The following SYMPK variants were observed in gnomAD, a reference collection of about 807,000 sequenced individuals.
SYMPK encodes symplekin scaffold protein.
SYMPK carries 49 observed loss-of-function variants against 136.4 expected under a neutral mutation model. The ratio of observed to expected loss-of-function variants is 0.36; its 90% CI spans 0.29 to 0.46. The LOEUF is 0.46. Ranked by LOEUF, SYMPK falls within the 20% of genes least tolerant of loss-of-function variation. SYMPK has a pLI of 1.00. For missense variants in SYMPK, 1,365 were observed against 1,690.0 expected (o/e 0.81, Z 3.37); for synonymous variants, 766 against 713.0 (o/e 1.07, Z -1.19).
intron 9 of SYMPK, among the ~76,000 whole-genome samples, chr19:45,841,854 C>G (rs1463237535): frequency 6.6e-6 from 1 of 152,022 alleles, no homozygotes; most frequent in Non-Finnish European, 1.5e-5. Context: ...GTGGTTACTT[C>G]TTGGGAGAGG....
chr19:45,822,621 A>T (rs1487910158), intron 21 of SYMPK, 135 bp downstream of exon 21: 3 of 679,202 alleles, frequency 4.4e-6, no homozygotes, highest in African/African-American at 3.6e-5. Context: ...GGACACATGG[A>T]GATGTCCAGT....
At chr19:45,852,181 G>A (rs2146341540) in intron 5 of SYMPK, 131 bp downstream of exon 5, 1 of 892,384 alleles carries the variant, frequency 1.1e-6, no homozygotes, top group South Asian at 1.4e-5. Context: ...TGGGGAATCA[G>A]TGTGTATGAG....
intron 12 of SYMPK, chr19:45,831,169 A>AT (rs10714046): frequency 0.032 from 10,813 of 342,164 alleles, 169 homozygotes; most frequent in South Asian, 0.075. Context: ...ATAAAAAAGG[A>AT]TTTTTTTTTT....
At chr19:45,831,708 A>C in intron 11 of SYMPK, 120 bp from the exon 12 acceptor site, 1 of 705,668 alleles carries the variant, frequency 1.4e-6, no homozygotes, top group Non-Finnish European at 2.2e-6. Context: ...GTTTAAATCC[A>C]CACAACACTG....
rs956621790 is a variant in SYMPK, at chr19:45,816,178, A to G, written c.3360T>C (p.Asp1120=). The G allele has an allele frequency of 5.9e-6, 9 of 1,534,780 alleles. No homozygotes were observed. Among genetic ancestry groups the G allele is most frequent in the Middle Eastern group, 2.3e-4 (1 of 4,420 alleles). Residue 1120 remains aspartate (D), a synonymous_variant, in exon 26 of 27, where the codon GAT becomes GAC. Transcript: ENST00000245934. ...CCGGGGCCAAGGTCAGGGGCTCCAGATCATCCTGGGGATAGGGAGGGCCAC... is the reference window on the plus strand; with the variant it reads ...CCGGGGCCAAGGTCAGGGGCTCCAGGTCATCCTGGGGATAGGGAGGGCCAC... ...EAPAGPLEED[D]LEPLTLAPAP...
intron 5 of SYMPK, among the ~76,000 whole-genome samples, chr19:45,850,353 C>A (rs962822816): frequency 2.0e-5 from 3 of 152,192 alleles, no homozygotes; most frequent in African/African-American, 7.2e-5. Flanking sequence ...GTTAAAGGGT[C>A]AAACAACTGA....
chr19:45,852,112 G>A (rs999234598), intron 5 of SYMPK, among the ~76,000 whole-genome samples, 200 bp downstream of exon 5: 1 of 152,210 alleles, frequency 6.6e-6, no homozygotes, highest in Non-Finnish European at 1.5e-5. Context: ...GATGTGAAGT[G>A]TGGAAGAAGC....
intron 22 of SYMPK, chr19:45,820,031 T>C (rs1483485949): frequency 6.6e-6 from 1 of 152,472 alleles, no homozygotes; most frequent in Non-Finnish European, 1.5e-5. Flanking sequence ...TGGTGGCCTG[T>C]GTGGCCTCTG....
intron 8 of SYMPK, chr19:45,842,896 G>A (rs774985596): frequency 5.1e-6 from 1 of 194,744 alleles, no homozygotes; most frequent in Non-Finnish European, 1.1e-5. Flanking sequence ...ACCCTGATAA[G>A]TGAGCCTCCC....
chr19:45,838,763 T>G, intron 9 of SYMPK, 148 bp from the exon 10 acceptor site: 1 of 890,468 alleles, frequency 1.1e-6, no homozygotes, highest in Non-Finnish European at 1.7e-6. Context: ...CAGCTCTGCC[T>G]CTGGTGCCAA....
At chr19:45,828,867 T>G in intron 14 of SYMPK, 103 bp downstream of exon 14, 2 of 1,154,014 alleles carry the variant, frequency 1.7e-6, no homozygotes, top group Non-Finnish European at 1.3e-6. Flanking sequence ...GAGGACTGAC[T>G]CGGGGGGTGA....
chr19:45,851,157 T>C (rs1270873149), intron 5 of SYMPK, among the ~76,000 whole-genome samples: 1 of 152,182 alleles, frequency 6.6e-6, no homozygotes, highest in Non-Finnish European at 1.5e-5. Context: ...TTTAACAGCG[T>C]CACTCTGGCT....
At chr19:45,826,023 G>A (rs890835789) in intron 17 of SYMPK, among the ~76,000 whole-genome samples, 5 of 152,092 alleles carry the variant, frequency 3.3e-5, no homozygotes, top group Non-Finnish European at 5.9e-5. Flanking sequence ...GGCTCTCCTC[G>A]TCCTCCAGAT....
At position 45,821,305 on chromosome 19, in the gene SYMPK, G is replaced by T. The variant is rs1970886601; in HGVS notation, c.2893+79C>A. The stretch of plus-strand genomic sequence containing the variant: ...ACAGTCTTTGACTTGGCAGATTCCA[G>T]TGGGGGCATGTGGGTGACTGAGGTC... On this transcript the variant is annotated intron_variant, in intron 22 of 26. Coordinates refer to ENST00000245934, the MANE Select transcript of SYMPK (RefSeq NM_004819.3). The surrounding 1 kb of genome is among the most constrained non-coding windows in gnomAD (Gnocchi z 4.4). The T allele has an allele frequency of 1.9e-6, 2 of 1,056,318 alleles. No homozygotes were observed. The highest frequency in any genetic ancestry group is 1.7e-5 in the Admixed American group (1 of 58,762). The allele number at this position is 1,056,318 out of a possible 1,614,324, so 65.4% of individuals were successfully genotyped here.
chr19:45,840,756 T>C (rs1600516486), intron 9 of SYMPK, among the ~76,000 whole-genome samples: 1 of 151,858 alleles, frequency 6.6e-6, no homozygotes, highest in Non-Finnish European at 1.5e-5. Context: ...GGTATGAGAA[T>C]TGCTTGAACC....
Position 45,830,121 on chromosome 19 carries a change from A to G in SYMPK, c.1682T>C (p.Met561Thr). 1 of 1,595,986 alleles carries G rather than the reference A, an allele frequency of 6.3e-7. No individual in the cohort carries two copies. The highest frequency in any genetic ancestry group is 8.5e-7 in the Non-Finnish European group (1 of 1,170,038). The change falls in exon 13 of 27, where the codon ATG becomes ACG. Residue 561 changes from methionine (M) to threonine (T), a missense_variant. Met to Thr is a moderately conservative substitution (Grantham distance 81). Transcript: ENST00000245934. ...GATCCGCTTCACAGCGCCCAGCTTC[A>G]TGGCTTCCACCTGGGCATCGGTAAG... ...KPLTDAQVEA[M>T]KLGAVKRILR...
intron 1 of SYMPK, among the ~76,000 whole-genome samples, chr19:45,860,423 A>G (rs571776226): frequency 4.2e-4 from 63 of 151,598 alleles, no homozygotes; most frequent in Non-Finnish European, 7.5e-4. Context: ...ACATCATTGC[A>G]CTCCAGCGTG....
chr19:45,817,152 G>A, intron 23 of SYMPK, 178 bp from the exon 24 acceptor site: 2 of 615,846 alleles, frequency 3.2e-6, no homozygotes, highest in Non-Finnish European at 5.3e-6. Context: ...CGATCCAGGC[G>A]GCTGGACCAC....
intron 18 of SYMPK, 75 bp downstream of exon 18, chr19:45,825,096 G>C: frequency 1.3e-6 from 2 of 1,550,008 alleles, no homozygotes; most frequent in Non-Finnish European, 1.7e-6. Flanking sequence ...GGTGGAGCAG[G>C]TTGGGGAAGA....
Sources: gnomAD v4.1 joint callset for allele counts (sites outside exome capture counted in the v4.1 genomes callset) on GRCh38, gnomAD v4.1.1 for gene constraint, Gnocchi (gnomAD v3.1) non-coding constraint, MANE v1.5 for transcripts, NCBI Gene and HGNC (gene_info 2026-07-23, HGNC 2026-07-21) for gene names.